The following SPRR2G variants were observed in gnomAD, a reference collection of about 807,000 sequenced individuals.
The protein encoded by SPRR2G is small proline-rich protein 2G.
SPRR2G carries 1 observed loss-of-function variant against 0.7 expected under a neutral mutation model. The ratio of observed to expected loss-of-function variants is 1.49; its 90% CI spans 0.53 to 7.06. The LOEUF (loss-of-function observed/expected upper bound fraction) is 7.06, where lower values mean the gene tolerates loss of function less well. Among genes scored for constraint, SPRR2G ranks in the 30% most tolerant of loss-of-function variants. SPRR2G has a pLI of 0.14. For synonymous variants in SPRR2G, 38 were observed against 33.9 expected, an observed-to-expected ratio of 1.12 and a Z score of -0.42; for missense variants, 96 against 88.5, an observed-to-expected ratio of 1.09 and a Z score of -0.34.
At chr1:153,191,742 G>C in the SPRR2G span, 1 of 152,132 alleles carries the variant, frequency 6.6e-6, no homozygotes, top group Admixed American at 6.5e-5. Flanking sequence ...ACTGGTCTAG[G>C]GCATGATTGT....
the SPRR2G span, among the ~76,000 whole-genome samples, chr1:153,194,529 A>G: frequency 6.6e-6 from 1 of 152,260 alleles, no homozygotes; most frequent in East Asian, 1.9e-4. Flanking sequence ...ACTCTCTGGA[A>G]CTTTTGGGAG....
the SPRR2G span, among the ~76,000 whole-genome samples, chr1:153,171,184 C>G: frequency 1.3e-5 from 2 of 152,086 alleles, no homozygotes; most frequent in African/African-American, 4.8e-5. Context: ...CTAAATTTTC[C>G]CAGGCAATTA....
At chr1:153,200,267 A>T in the SPRR2G span, among the ~76,000 whole-genome samples, 15 of 152,216 alleles carry the variant, frequency 9.9e-5, no homozygotes, top group Non-Finnish European at 1.5e-4. Context: ...GGCAGGGGAA[A>T]AAAATGCTAT....
chr1:153,171,470 A>G, the SPRR2G span, among the ~76,000 whole-genome samples: 4 of 152,144 alleles, frequency 2.6e-5, no homozygotes, highest in African/African-American at 9.7e-5. Context: ...GGTTATACGG[A>G]CTTGTGTGAT....
At chr1:153,168,904 A>ATGTG in the SPRR2G span, among the ~76,000 whole-genome samples, 1,257 of 148,152 alleles carry the variant, frequency 8.5e-3, 14 homozygotes, top group Middle Eastern at 0.024. Flanking sequence ...TCATGAGTGT[A>ATGTG]TGTGTGTGTG....
the SPRR2G span, among the ~76,000 whole-genome samples, chr1:153,193,544 C>A: frequency 6.6e-6 from 1 of 152,158 alleles, no homozygotes; most frequent in African/African-American, 2.4e-5. Context: ...CTTTAAACTT[C>A]ATTTAATCCT....
At chr1:153,186,897 G>A in the SPRR2G span, among the ~76,000 whole-genome samples, 1 of 152,134 alleles carries the variant, frequency 6.6e-6, no homozygotes, top group Non-Finnish European at 1.5e-5. Flanking sequence ...TGGCCTGGGG[G>A]TGACAAAATC....
At chr1:153,171,754 T>C in the SPRR2G span, among the ~76,000 whole-genome samples, 1 of 152,150 alleles carries the variant, frequency 6.6e-6, no homozygotes, top group Non-Finnish European at 1.5e-5. Context: ...AGTCTCTTTT[T>C]TTGCCCAGGT....
the SPRR2G span, among the ~76,000 whole-genome samples, chr1:153,187,287 A>G: frequency 6.6e-6 from 1 of 152,170 alleles, no homozygotes; most frequent in Admixed American, 6.5e-5. Flanking sequence ...AACATCCTGA[A>G]GTGTGTTTTC....
chr1:153,172,004 T>C, the SPRR2G span, among the ~76,000 whole-genome samples: 3 of 152,110 alleles, frequency 2.0e-5, no homozygotes, highest in Admixed American at 1.3e-4. Context: ...TCTTCTTTGG[T>C]TTACCAATTT....
At chr1:153,159,891 G>T in the SPRR2G span, among the ~76,000 whole-genome samples, 1 of 152,134 alleles carries the variant, frequency 6.6e-6, no homozygotes, top group Non-Finnish European at 1.5e-5. Flanking sequence ...CTCCCAGCAG[G>T]TCCCTCCCTT....
At chr1:153,178,172 C>G in the SPRR2G span, among the ~76,000 whole-genome samples, 1 of 152,062 alleles carries the variant, frequency 6.6e-6, no homozygotes, top group Non-Finnish European at 1.5e-5. Flanking sequence ...TATATATTGA[C>G]CTTGTATTCT....
rs774271445 is a variant in SPRR2G at position 153,149,744 on chromosome 1, C to T, written c.*145G>A. The T allele has an allele frequency of 9.6e-7, 1 of 1,042,328 alleles. No homozygotes were observed. The highest frequency in any genetic ancestry group is 1.4e-6 in the Non-Finnish European group (1 of 704,250). 64.6% of individuals were successfully genotyped at this position (1,042,328 alleles called of 1,614,324 possible). ...CAACATATCGGTTTTCAGAACTAAG[C>T]CTTTTCTCTGTCAACGCTCAAGCCA... On this transcript the variant is annotated 3_prime_UTR_variant, in exon 2 of 2. Transcript: ENST00000368748.
the SPRR2G span, among the ~76,000 whole-genome samples, chr1:153,161,966 A>G: frequency 6.6e-6 from 1 of 152,172 alleles, no homozygotes; most frequent in South Asian, 2.1e-4. Flanking sequence ...CATGATACCA[A>G]TAGGGGGTTT....
At chr1:153,164,291 G>A in the SPRR2G span, among the ~76,000 whole-genome samples, 2 of 152,286 alleles carry the variant, frequency 1.3e-5, no homozygotes, top group South Asian at 2.1e-4. Flanking sequence ...GCAATGAATG[G>A]CAGGACCATG....
At chr1:153,186,884 G>T in the SPRR2G span, among the ~76,000 whole-genome samples, 1 of 152,272 alleles carries the variant, frequency 6.6e-6, no homozygotes, top group South Asian at 2.1e-4. Context: ...GCTCTTGTAA[G>T]GTTGGCCTGG....
chr1:153,197,996 T>TGA, the SPRR2G span, among the ~76,000 whole-genome samples: 3 of 152,046 alleles, frequency 2.0e-5, no homozygotes, highest in African/African-American at 4.8e-5. Context: ...CTACATCATG[T>TGA]GAGAGAGTAG....
At chr1:153,154,172 A>T (rs1304374505), upstream of SPRR2G, among the ~76,000 whole-genome samples, 2 of 151,914 alleles carry the variant, frequency 1.3e-5, no homozygotes. Flanking sequence ...AAAAGAAAGA[A>T]ATTTATTGAA....
chr1:153,177,689 T>TA, the SPRR2G span, among the ~76,000 whole-genome samples: 1 of 152,182 alleles, frequency 6.6e-6, no homozygotes, highest in Admixed American at 6.5e-5. Context: ...ATGCTTTTCA[T>TA]TTATCTATAT....
Sources: allele counts gnomAD v4.1 joint callset (sites outside exome capture counted in the v4.1 genomes callset), GRCh38; gene constraint gnomAD v4.1.1; transcripts MANE v1.5; gene names NCBI Gene and HGNC (gene_info 2026-07-23, HGNC 2026-07-21).